BACE2: variants seen among roughly 807,000 people sequenced by gnomAD.
BACE2 encodes 56 kDa aspartic-like protease.
In BACE2, 17 loss-of-function variants were observed where a neutral mutation model predicts 46.2. The ratio of observed to expected loss-of-function variants is 0.37; its 90% CI spans 0.25 to 0.55. The LOEUF (loss-of-function observed/expected upper bound fraction) is 0.55, where lower values mean the gene tolerates loss of function less well. Among genes scored for constraint, BACE2 ranks in the 20% least tolerant of loss-of-function variants. The pLI, the probability that BACE2 is intolerant of heterozygous loss-of-function variation, is 0.82. For missense variants in BACE2, 595 were observed against 698.1 expected (o/e 0.85, Z 1.66); for synonymous variants, 277 against 295.9 (o/e 0.94, Z 0.66).
At chr21:41,245,918 GC>G in intron 5 of BACE2, 43 bp from the exon 6 acceptor site, 1 of 1,481,926 alleles carries the variant, frequency 6.7e-7, no homozygotes. Flanking sequence ...GGCGGGGAGC[GC>G]CACTGTCACT....
chr21:41,245,548 T>C (rs1987441091), intron 5 of BACE2, among the ~76,000 whole-genome samples: 1 of 152,238 alleles, frequency 6.6e-6, no homozygotes, highest in African/African-American at 2.4e-5. Flanking sequence ...AGTGAGGTCA[T>C]AGAGAATTGA....
chr21:41,263,892 C>T (rs1988001711), intron 8 of BACE2, among the ~76,000 whole-genome samples: 1 of 152,248 alleles, frequency 6.6e-6, no homozygotes, highest in African/African-American at 2.4e-5. Flanking sequence ...CTTTTGTCAT[C>T]AATCTTAGAG....
At chr21:41,260,770 T>C (rs993528402) in intron 8 of BACE2, among the ~76,000 whole-genome samples, 7 of 152,180 alleles carry the variant, frequency 4.6e-5, no homozygotes, top group African/African-American at 1.7e-4. Context: ...AGAATGACCC[T>C]GATATGATGT....
chr21:41,186,728 C>T (rs111297184), intron 1 of BACE2: 1,578 of 152,354 alleles, frequency 0.01, 26 homozygotes, highest in African/African-American at 0.036. Flanking sequence ...TGCACAGCAG[C>T]GCCAGAGATG....
chr21:41,273,313 G>T (rs572439500), intron 8 of BACE2, among the ~76,000 whole-genome samples: 3 of 152,316 alleles, frequency 2.0e-5, no homozygotes, highest in Non-Finnish European at 4.4e-5. Flanking sequence ...TTATTAGGCG[G>T]AAATTTCCTT....
At chr21:41,232,013 G>C (rs978651350) in intron 2 of BACE2, among the ~76,000 whole-genome samples, 43 of 146,738 alleles carry the variant, frequency 2.9e-4, no homozygotes, top group African/African-American at 1.1e-3. Context: ...TATGAACTGA[G>C]AATTACCTTT....
At chr21:41,204,721 C>T (rs777888650) in intron 1 of BACE2, among the ~76,000 whole-genome samples, 9 of 152,300 alleles carry the variant, frequency 5.9e-5, no homozygotes, top group East Asian at 1.9e-4. Context: ...TTAAAGCAAA[C>T]GTCTGTATTT....
chr21:41,168,726 C>A (rs1048794601), intron 1 of BACE2, 151 bp downstream of exon 1: 13 of 193,176 alleles, frequency 6.7e-5, no homozygotes, highest in African/African-American at 2.6e-4. Context: ...TCGGGTGGGC[C>A]GGGGAGCGGG....
intron 1 of BACE2, among the ~76,000 whole-genome samples, chr21:41,202,743 G>A (rs575472073): frequency 7.9e-5 from 12 of 152,286 alleles, no homozygotes; most frequent in East Asian, 3.9e-4. Flanking sequence ...ACAGCAGTGC[G>A]GTCACTGAGA....
intron 1 of BACE2, chr21:41,177,491 G>C (rs933957325): frequency 1.3e-5 from 2 of 152,162 alleles, no homozygotes; most frequent in Admixed American, 6.5e-5. Context: ...AAACTGGGGT[G>C]GGGGGCGGAT....
intron 8 of BACE2, among the ~76,000 whole-genome samples, chr21:41,271,394 A>G (rs1267701686): frequency 1.3e-5 from 2 of 152,224 alleles, no homozygotes; most frequent in African/African-American, 4.8e-5. Flanking sequence ...AAAATCAGAA[A>G]GAAGCTAACC....
In BACE2 at chr21:41,280,360, C is replaced by T. The variant is rs977934040; in HGVS notation, c.*4736C>T. On this transcript the variant is annotated 3_prime_UTR_variant, in exon 9 of 9. Transcript: ENST00000330333. ...CTGAGCCAGCCCAGCCCATGCATTC[C>T]GAACATCCGACAGCTTCTTTCTCCA... 12 of 152,412 alleles carry T rather than the reference C, an allele frequency of 7.9e-5. No homozygotes were observed. The highest frequency in any genetic ancestry group is 2.6e-4 in the African/African-American group (11 of 41,582). The allele number at this position is 152,412 out of a possible 1,614,324, so 9.4% of individuals were successfully genotyped here.
rs767229262 is a variant in BACE2, at chr21:41,198,854, TTTA to T, written c.313-27409_313-27407del. On this transcript the variant is annotated intron_variant, in intron 1 of 8. Transcript: ENST00000330333. ...TTGGTGGATCTCTGTACGCTTTTTA[TTTA>T]TTTATTTATTTATTTATTTATTTAT... is the stretch of plus-strand genomic sequence containing the variant. 8.7e-3 allele frequency among the ~76,000 whole-genome samples: 1,184 copies of T among 136,732 alleles called. 8 individuals carry two copies. Among genetic ancestry groups the T allele is most frequent in the African/African-American group, 0.027 (1,086 of 39,710 alleles). The allele number at this position is 136,732 out of a possible 152,430, so 89.7% of individuals were successfully genotyped here.
intron 8 of BACE2, among the ~76,000 whole-genome samples, chr21:41,271,182 G>A (rs537950989): frequency 6.7e-6 from 1 of 149,766 alleles, no homozygotes; most frequent in South Asian, 2.1e-4. Context: ...AACATTTTGA[G>A]TCTTAACATT....
At chr21:41,201,781 T>A (rs1985975299) in intron 1 of BACE2, among the ~76,000 whole-genome samples, 1 of 152,244 alleles carries the variant, frequency 6.6e-6, no homozygotes, top group Admixed American at 6.5e-5. Context: ...ACTTAGGCCC[T>A]TTTCCGAAGA....
chr21:41,267,413 G>A (rs76706440), intron 8 of BACE2, among the ~76,000 whole-genome samples: 1 of 152,176 alleles, frequency 6.6e-6, no homozygotes, highest in African/African-American at 2.4e-5. Flanking sequence ...ACAACTCTCT[G>A]TTATTTTAGT....
chr21:41,173,864 C>G (rs1375979411), intron 1 of BACE2, among the ~76,000 whole-genome samples: 1 of 152,046 alleles, frequency 6.6e-6, no homozygotes, highest in Non-Finnish European at 1.5e-5. Context: ...TATTTAAATA[C>G]CTATGAGTAA....
At chr21:41,210,276 T>C (rs1316988853) in intron 1 of BACE2, among the ~76,000 whole-genome samples, 1 of 151,908 alleles carries the variant, frequency 6.6e-6, no homozygotes, top group Non-Finnish European at 1.5e-5. Context: ...CCTTAAAAAC[T>C]TAGTTCTCAG....
intron 1 of BACE2, among the ~76,000 whole-genome samples, chr21:41,190,992 C>T (rs542735213): frequency 6.6e-6 from 1 of 152,158 alleles, no homozygotes; most frequent in Admixed American, 6.5e-5. Flanking sequence ...GAACTAAGAC[C>T]TCTAGACCAA....
Sources: gnomAD v4.1 joint callset for allele counts (sites outside exome capture counted in the v4.1 genomes callset) on GRCh38, gnomAD v4.1.1 for gene constraint, MANE v1.5 for transcripts, NCBI Gene and HGNC (gene_info 2026-07-23, HGNC 2026-07-21) for gene names.